KLHL21: variants seen among roughly 807,000 people sequenced by gnomAD.
KLHL21 encodes the protein kelch-like protein 21.
In KLHL21, 42 loss-of-function variants were observed where a neutral mutation model predicts 44.1. The ratio of observed to expected loss-of-function variants is 0.95; its 90% confidence interval spans 0.74 to 1.23. KLHL21 has a LOEUF of 1.23. Among genes scored for constraint, KLHL21 ranks in the 50% most tolerant of loss-of-function variants. KLHL21 has a pLI of 0.00. For synonymous variants in KLHL21, 524 were observed against 411.6 expected (o/e 1.27, Z -3.31); for missense variants, 918 against 889.1 (o/e 1.03, Z -0.41).
chr1:6,601,669 G>GCT (rs1641021680), intron 1 of KLHL21, 128 bp downstream of exon 1: 1 of 1,391,958 alleles, frequency 7.2e-7, no homozygotes, highest in African/African-American at 1.5e-5. Flanking sequence ...GTAGTCACCA[G>GCT]AGCCCCAGCT....
rs1360475907 is a variant in KLHL21, at chr1:6,592,754, TC to T, written c.*610del. On this transcript the variant is annotated 3_prime_UTR_variant, in exon 4 of 4. Transcript: ENST00000377658. Reference sequence around the variant, plus strand: ...AGGCCCAGCATCTGATAGGACCACATCCTCTTCACCCTCCAAGCCCACACCC... The same window carrying T: ...AGGCCCAGCATCTGATAGGACCACATCTCTTCACCCTCCAAGCCCACACCC... 2 of 152,588 alleles carry T rather than the reference TC, an allele frequency of 1.3e-5. No homozygotes were observed. Among genetic ancestry groups the T allele is most frequent in the Non-Finnish European group, 2.9e-5 (2 of 68,286 alleles). The allele number at this position is 152,588 out of a possible 1,614,324, so 9.5% of individuals were successfully genotyped here.
intron 1 of KLHL21, 96 bp from the exon 2 acceptor site, chr1:6,599,548 G>A: frequency 7.8e-7 from 1 of 1,287,354 alleles, no homozygotes; most frequent in Non-Finnish European, 1.1e-6. Flanking sequence ...GCCTTGGGAG[G>A]AATTAACATC....
intron 2 of KLHL21, among the ~76,000 whole-genome samples, chr1:6,598,545 G>A (rs1176553097): frequency 1.3e-5 from 2 of 151,706 alleles, no homozygotes; most frequent in East Asian, 3.9e-4. Context: ...ACTCCAGCTT[G>A]GGCAACAAAA....
rs1051734842 is a variant in KLHL21, at chr1:6,602,524, G to C, written c.294C>G (p.Arg98=). Residue 98 remains arginine, a synonymous_variant, in exon 1 of 4, where the codon CGC becomes CGG. Transcript: ENST00000377658. ...CAGCGTTGTCGCCGCTTACCGCCAC[G>C]CGGCCCGTGTAGCTGAAGTCCAGCA... ...QLLLDFSYTG[R]VAVSGDNAEP... is the part of the protein sequence containing the mutation. 2 of 1,541,484 alleles carry C rather than the reference G, an allele frequency of 1.3e-6. No homozygotes were observed. Among genetic ancestry groups the C allele is most frequent in the African/African-American group, 2.7e-5 (2 of 73,154 alleles).
Position 6,592,274 on chromosome 1 carries a change from GC to G in KLHL21, c.*1090del. On this transcript the variant is annotated 3_prime_UTR_variant, in exon 4 of 4. Coordinates refer to ENST00000377658, the MANE Select transcript of KLHL21 (RefSeq NM_014851.4). ...TTAACCAGGAAAATGCAGTCTAAAT[GC>G]CCTCTTCTCTAAAAAGGAGGCAAGG... 1.3e-5 allele frequency: 2 copies of G among 152,328 alleles called. No homozygotes were observed. Among genetic ancestry groups the G allele is most frequent in the South Asian group, 2.1e-4 (1 of 4,832 alleles). 9.4% of individuals were successfully genotyped at this position (152,328 alleles called of 1,614,324 possible). A position where few individuals can be genotyped will look rare whatever the true frequency, so the allele number is the denominator to read the frequency against.
At chr1:6,599,588 T>C (rs1363014384) in intron 1 of KLHL21, 136 bp from the exon 2 acceptor site, 2 of 918,792 alleles carry the variant, frequency 2.2e-6, no homozygotes, top group Non-Finnish European at 1.6e-6. Flanking sequence ...GCACACCCTC[T>C]CCCCAAAAGC....
intron 2 of KLHL21, among the ~76,000 whole-genome samples, chr1:6,597,689 G>A (rs763689940): frequency 2.0e-5 from 3 of 152,240 alleles, no homozygotes; most frequent in Non-Finnish European, 4.4e-5. Flanking sequence ...GGCCAGGGCA[G>A]CTCTGGCAGT....
chr1:6,599,469 C>T lies in KLHL21; in HGVS notation c.1022-17G>A. 1 of 1,586,588 alleles carries T rather than the reference C, an allele frequency of 6.3e-7. No individual in the cohort carries two copies. The highest frequency in any genetic ancestry group is 1.3e-5 in the African/African-American group (1 of 74,746). ...CGGACCCACCTGCCAGGACGCATGA[C>T]AGGCAGAAGATCAGCCCACTCAGGT... On this transcript the variant is annotated splice_polypyrimidine_tract_variant and intron_variant, in intron 1 of 3. Coordinates refer to ENST00000377658, the MANE Select transcript of KLHL21 (RefSeq NM_014851.4).
At chr1:6,599,014 AAC>A (rs1294080750) in intron 2 of KLHL21, 31 bp downstream of exon 2, 2 of 1,537,830 alleles carry the variant, frequency 1.3e-6, no homozygotes, top group East Asian at 2.3e-5. Context: ...AGAGACACCA[AAC>A]ACACAGTGGG....
intron 1 of KLHL21, among the ~76,000 whole-genome samples, chr1:6,600,070 G>C (rs932621098): frequency 6.6e-6 from 1 of 151,950 alleles, no homozygotes; most frequent in Non-Finnish European, 1.5e-5. Flanking sequence ...TTTTGAGACA[G>C]AGTCTTGCTC....
rs1395963731 is a variant in KLHL21 at position 6,602,189 on chromosome 1, G to A, written c.629C>T (p.Pro210Leu). 2 of 1,445,200 alleles carry A rather than the reference G, an allele frequency of 1.4e-6. No homozygotes were observed. Among genetic ancestry groups the A allele is most frequent in the South Asian group, 1.4e-5 (1 of 72,418 alleles). The allele number at this position is 1,445,200 out of a possible 1,614,324, so 89.5% of individuals were successfully genotyped here. A position where few individuals can be genotyped will look rare whatever the true frequency, so the allele number is the denominator to read the frequency against. Residue 210 changes from proline (P) to leucine (L), a missense_variant, in exon 1 of 4, where the codon CCG becomes CTG. By Grantham distance (98) the Pro-to-Leu change is moderately conservative. Transcript: ENST00000377658. Reference sequence around the variant, plus strand: ...CGGCCAGTGCGCGGCGCGGCGCGGCGGGTCAGCGCGGACCCAGCGCAGCGC... The same window carrying A: ...CGGCCAGTGCGCGGCGCGGCGCGGCAGGTCAGCGCGGACCCAGCGCAGCGC... The part of the protein sequence containing the change: ...QLALRWVRAD[P>L]PRRAAHWPQL...
intron 1 of KLHL21, among the ~76,000 whole-genome samples, chr1:6,600,411 G>A (rs945294616): frequency 1.3e-5 from 2 of 152,192 alleles, no homozygotes; most frequent in African/African-American, 2.4e-5. Flanking sequence ...AATTACACCA[G>A]GTCTATTAGA....
At chr1:6,599,633 G>A (rs1000670006) in intron 1 of KLHL21, 181 bp from the exon 2 acceptor site, 101 of 632,440 alleles carry the variant, frequency 1.6e-4, no homozygotes, top group African/African-American at 1.5e-3. Flanking sequence ...CAAAGCACAC[G>A]CTGACCACTG....
Position 6,590,878 on chromosome 1 carries a change from C to A in KLHL21, c.*2487G>T. ...CTGGATGTGGACACTGGAGGGAGGG[C>A]GTCCTTTATTACATACGCGTCTCTG... is the stretch of plus-strand genomic sequence containing the variant. On this transcript the variant is annotated 3_prime_UTR_variant, in exon 4 of 4. Transcript: ENST00000377658. 2.5e-6 allele frequency: 1 copy of A among 398,520 alleles called. No homozygotes were observed. Among genetic ancestry groups the A allele is most frequent in the Non-Finnish European group, 4.4e-6 (1 of 225,992 alleles). The allele number at this position is 398,520 out of a possible 1,614,324, so 24.7% of individuals were successfully genotyped here.
chr1:6,602,301 G>A lies in KLHL21; in HGVS notation c.517C>T (p.Leu173=), dbSNP rs2148704553. 1.3e-6 allele frequency: 2 copies of A among 1,555,072 alleles called. No individual in the cohort carries two copies. Among genetic ancestry groups the A allele is most frequent in the South Asian group, 1.2e-5 (1 of 85,668 alleles). Residue 173 remains leucine, a synonymous_variant, in exon 1 of 4, where the codon CTG becomes TTG. Transcript: ENST00000377658. ...AGGCGCGCCAGTGGCAGCCGCTCCAGCTGCTCGGCGCCCAGCTCGCCCACG... is the reference window on the plus strand; with the variant it reads ...AGGCGCGCCAGTGGCAGCCGCTCCAACTGCTCGGCGCCCAGCTCGCCCACG... ...RHVGELGAEQ[L]ERLPLARLLR... is the part of the protein sequence containing the mutation.
At chr1:6,600,715 C>T (rs1270899281) in intron 1 of KLHL21, among the ~76,000 whole-genome samples, 1 of 152,212 alleles carries the variant, frequency 6.6e-6, no homozygotes, top group Non-Finnish European at 1.5e-5. Flanking sequence ...GCCAGTGTGG[C>T]CAGTTCTGGG....
Position 6,602,645 on chromosome 1 carries a change from C to G in KLHL21, c.173G>C (p.Ser58Thr). 6.6e-7 allele frequency: 1 copy of G among 1,515,296 alleles called. No individual in the cohort carries two copies. The highest frequency in any genetic ancestry group is 8.8e-7 in the Non-Finnish European group (1 of 1,138,372). The allele number at this position is 1,515,296 out of a possible 1,614,324, so 93.9% of individuals were successfully genotyped here. ...PAHRAVLAAA[S>T]PYFRAMFAGQ... ...CGCGAACATGGCGCGGAAGTAGGGG[C>G]TGGCGGCGGCCAGCACCGCACGGTG... Residue 58 changes from serine to threonine, a missense_variant, in exon 1 of 4, where the codon AGC becomes ACC. Transcript: ENST00000377658.
chr1:6,598,155 G>C (rs1640954074), intron 2 of KLHL21, among the ~76,000 whole-genome samples: 1 of 152,238 alleles, frequency 6.6e-6, no homozygotes, highest in Non-Finnish European at 1.5e-5. Context: ...GGCCTGGCTG[G>C]GTGTGGGGGC....
Position 6,601,995 on chromosome 1 carries a change from G to C in KLHL21, c.823C>G (p.Arg275Gly), listed in dbSNP as rs1641029207. The C allele has an allele frequency of 1.3e-6, 2 of 1,549,412 alleles. No homozygotes were observed. The highest frequency in any genetic ancestry group is 2.4e-5 in the South Asian group (2 of 84,194). ...YDRHDRGPCPRMRPRPSTGLA... is the reference protein window; with the variant it reads ...YDRHDRGPCPGMRPRPSTGLA... ...CCGGTGGACGGGCGAGGACGCATTCGGGGACAGGGCCCGCGGTCGTGGCGG... is the reference window on the plus strand; with the variant it reads ...CCGGTGGACGGGCGAGGACGCATTCCGGGACAGGGCCCGCGGTCGTGGCGG... The change falls in exon 1 of 4, where the codon CGA becomes GGA. Residue 275 changes from arginine to glycine, a missense_variant. Transcript: ENST00000377658.
Sources: gnomAD v4.1 joint callset for allele counts (sites outside exome capture counted in the v4.1 genomes callset) on GRCh38, gnomAD v4.1.1 for gene constraint, MANE v1.5 for transcripts, NCBI Gene and HGNC (gene_info 2026-07-23, HGNC 2026-07-21) for gene names.